Variants in YJU2B observed in about 807,000 individuals in gnomAD.
The protein encoded by YJU2B is YJU2 splicing factor homolog B, also known as probable splicing factor YJU2B.
A neutral mutation model predicts 38.0 loss-of-function variants in YJU2B; 18 were observed. That is an observed-to-expected ratio of 0.47 (90% CI 0.33 to 0.70). The LOEUF is 0.70. Among genes scored for constraint, YJU2B ranks in the 30% least tolerant of loss-of-function variants. YJU2B has a pLI of 0.02. For missense variants in YJU2B, 538 were observed against 556.3 expected (o/e 0.97, Z 0.33); for synonymous variants, 246 against 225.4 (o/e 1.09, Z -0.82).
At chr19:13,748,311 C>T (rs1973327086) in intron 1 of YJU2B, among the ~76,000 whole-genome samples, 1 of 152,116 alleles carries the variant, frequency 6.6e-6, no homozygotes, top group Non-Finnish European at 1.5e-5. Context: ...AACTGCCAAA[C>T]GTTTAACTCG....
At chr19:13,755,642 C>T (rs1222924769) in intron 3 of YJU2B, among the ~76,000 whole-genome samples, 2 of 151,910 alleles carry the variant, frequency 1.3e-5, no homozygotes, top group Admixed American at 6.6e-5. Context: ...GCCCAGGGTC[C>T]CCTGGCTCTT....
chr19:13,749,033 C>T (rs1044267078), intron 1 of YJU2B, among the ~76,000 whole-genome samples: 1 of 152,204 alleles, frequency 6.6e-6, no homozygotes, highest in African/African-American at 2.4e-5. Context: ...GACAGAATCT[C>T]ACTCTTGTCA....
intron 2 of YJU2B, among the ~76,000 whole-genome samples, chr19:13,738,052 C>A (rs1248230264): frequency 6.6e-6 from 1 of 152,106 alleles, no homozygotes; most frequent in African/African-American, 2.4e-5. Context: ...GGGTTCTAGA[C>A]CAAGCTGGAC....
intron 2 of YJU2B, among the ~76,000 whole-genome samples, chr19:13,741,430 G>A (rs892999349): frequency 6.6e-6 from 1 of 151,988 alleles, no homozygotes; most frequent in Non-Finnish European, 1.5e-5. Context: ...TGGGATTACA[G>A]GTGTGAGCCA....
intron 1 of YJU2B, among the ~76,000 whole-genome samples, chr19:13,751,051 G>T (rs1568286367): frequency 6.6e-6 from 1 of 152,018 alleles, no homozygotes; most frequent in African/African-American, 2.4e-5. Flanking sequence ...CGTGGGAAGG[G>T]GTTTGACTTG....
chr19:13,754,641 G>C (rs775558230), intron 3 of YJU2B, among the ~76,000 whole-genome samples: 1 of 152,116 alleles, frequency 6.6e-6, no homozygotes. Flanking sequence ...TCCAGCACCT[G>C]TGGCGTCCTG....
At chr19:13,743,965 G>A (rs934830217), upstream of YJU2B, among the ~76,000 whole-genome samples, 7 of 152,078 alleles carry the variant, frequency 4.6e-5, no homozygotes, top group Admixed American at 1.3e-4. Flanking sequence ...AGGCCGAGGC[G>A]GGTGGATCAC....
intron 3 of YJU2B, 99 bp from the exon 4 acceptor site, chr19:13,756,098 C>G: frequency 1.1e-6 from 1 of 920,932 alleles, no homozygotes; most frequent in Non-Finnish European, 1.8e-6. Flanking sequence ...AGGCCTCTCC[C>G]ACCTGTGAGA....
At chr19:13,732,060 C>G (rs1194830670) in intron 1 of YJU2B, 1 of 152,146 alleles carries the variant, frequency 6.6e-6, no homozygotes, top group Non-Finnish European at 1.5e-5. Flanking sequence ...TCAGAGAGCT[C>G]AGAAGAGGGT....
intron 8 of YJU2B, among the ~76,000 whole-genome samples, chr19:13,761,751 TC>T (rs76498951): frequency 0.44 from 61,621 of 139,604 alleles, 13,003 homozygotes; most frequent in East Asian, 0.61. Context: ...TGAAACAGTC[TC>T]CCCCCTTTCG....
chr19:13,759,823 G>A lies in YJU2B; in HGVS notation c.573+551G>A, dbSNP rs551657062. ...TTTTTTTTTTTTTTTTTGAGACTGA[G>A]TTTCACTCTTATTGCCCAGGCTGGA... On this transcript the variant is annotated intron_variant, in intron 8 of 9. Transcript: ENST00000221554. Among the ~76,000 whole-genome samples the A allele has an allele frequency of 1.6e-4, 21 of 133,060 alleles. No homozygotes were observed. The East Asian group carries it at 4.8e-3, about 31-fold the overall frequency. 87.3% of individuals were successfully genotyped at this position (133,060 alleles called of 152,430 possible). A position where few individuals can be genotyped will look rare whatever the true frequency, so the allele number is the denominator to read the frequency against.
rs538347025 is a variant in YJU2B, at chr19:13,755,722, G to A, written c.58-475G>A. On this transcript the variant is annotated intron_variant, in intron 3 of 9. Coordinates refer to ENST00000221554, the MANE Select transcript of YJU2B (RefSeq NM_030818.4). The stretch of plus-strand genomic sequence containing the variant: ...CGGAATCCCAGCACTTTGGGAGGCC[G>A]AGGCAAGTGGATCACCTGAGGTCAG... Among the ~76,000 whole-genome samples, 4 of 152,162 alleles carry A rather than the reference G, an allele frequency of 2.6e-5. No individual in the cohort carries two copies. The East Asian group carries it at 5.8e-4, about 22-fold the overall frequency.
intron 2 of YJU2B, among the ~76,000 whole-genome samples, chr19:13,733,698 G>T (rs1199465579): frequency 6.6e-6 from 1 of 152,130 alleles, no homozygotes; most frequent in Non-Finnish European, 1.5e-5. Flanking sequence ...TCCAACCTGG[G>T]CAACGAGAGT....
chr19:13,758,960 G>A lies in YJU2B; in HGVS notation c.350G>A (p.Arg117His), dbSNP rs139022838. ...TACGTGATCGTGAGTGGCGCCCAGC[G>A]CAAGGAGGAGCGCTGGGACATGGCG... ...CDYVIVSGAQ[R>H]KEERWDMADN... The change falls in exon 7 of 10, where the codon CGC (arginine) becomes CAC (histidine). Residue 117 changes from arginine (R) to histidine (H), a missense_variant. Coordinates refer to ENST00000221554, the MANE Select transcript of YJU2B (RefSeq NM_030818.4). The A allele has an allele frequency of 8.1e-6, 13 of 1,613,990 alleles. No individual in the cohort carries two copies. The highest frequency in any genetic ancestry group is 1.1e-5 in the Non-Finnish European group (13 of 1,180,006).
At chr19:13,739,432 A>G (rs1280561434) in intron 2 of YJU2B, among the ~76,000 whole-genome samples, 1 of 151,476 alleles carries the variant, frequency 6.6e-6, no homozygotes, top group Admixed American at 6.6e-5. Flanking sequence ...AGCTGTATAC[A>G]TTCACATTAG....
At chr19:13,751,234 G>C (rs1350310798) in intron 1 of YJU2B, among the ~76,000 whole-genome samples, 1 of 152,068 alleles carries the variant, frequency 6.6e-6, no homozygotes, top group East Asian at 1.9e-4. Context: ...TGGGCAACAT[G>C]GTGAAACCCT....
intron 8 of YJU2B, among the ~76,000 whole-genome samples, chr19:13,760,589 ATTTATTTAT>A (rs1305006490): frequency 6.6e-6 from 1 of 151,078 alleles, no homozygotes; most frequent in Non-Finnish European, 1.5e-5. Flanking sequence ...GCCTCCTTTT[ATTTATTTAT>A]TTTTTTTCTT....
intron 1 of YJU2B, among the ~76,000 whole-genome samples, chr19:13,749,823 C>T (rs1412427912): frequency 2.0e-5 from 3 of 151,884 alleles, no homozygotes; most frequent in Non-Finnish European, 2.9e-5. Flanking sequence ...TTAGTAGAGA[C>T]GGGGTTTCAC....
upstream of YJU2B, among the ~76,000 whole-genome samples, chr19:13,743,720 C>A (rs1450157733): frequency 6.8e-6 from 1 of 146,166 alleles, no homozygotes; most frequent in Non-Finnish European, 1.5e-5. Context: ...TGACGAAGCC[C>A]TGTCTCTACT....
Sources: gnomAD v4.1 joint callset for allele counts (sites outside exome capture counted in the v4.1 genomes callset) on GRCh38, gnomAD v4.1.1 for gene constraint, MANE v1.5 for transcripts, NCBI Gene and HGNC (gene_info 2026-07-23, HGNC 2026-07-21) for gene names.